The following DCLK3 variants were observed in gnomAD, a reference collection of about 807,000 sequenced individuals.
DCLK3 encodes doublecortin like kinase 3, also known as serine/threonine-protein kinase DCLK3.
DCLK3 carries 30 observed loss-of-function variants against 46.4 expected under a neutral mutation model. The ratio of observed to expected loss-of-function variants is 0.65; its 90% CI spans 0.48 to 0.88. The LOEUF is 0.88. Among genes scored for constraint, DCLK3 ranks in the 40% least tolerant of loss-of-function variants. The pLI is 0.00. For synonymous variants in DCLK3, 401 were observed against 339.2 expected (o/e 1.18, Z -2.00); for missense variants, 846 against 907.1 (o/e 0.93, Z 0.87).
chr3:36,760,489 G>C (rs527836005), intron 1 of DCLK3, among the ~76,000 whole-genome samples: 2 of 147,776 alleles, frequency 1.4e-5, no homozygotes, highest in East Asian at 4.1e-4. Context: ...GGTTGGGGGA[G>C]GGGGGAGGGA....
In DCLK3 at chr3:36,718,118, C is replaced by A; in HGVS notation, c.2152G>T (p.Gly718Cys). 1 of 1,614,212 alleles carries A rather than the reference C, an allele frequency of 6.2e-7. No individual in the cohort carries two copies. Among genetic ancestry groups the A allele is most frequent in the Non-Finnish European group, 8.5e-7 (1 of 1,180,040 alleles). Residue 718 changes from glycine (G) to cysteine (C), a missense_variant, in exon 4 of 5, where the codon GGC becomes TGC. Around this residue, in one of 3 missense-constraint regions of DCLK3, gnomAD observed 247 missense variants for 322.8 expected, o/e 0.77. Transcript: ENST00000636136. The stretch of plus-strand genomic sequence containing the variant: ...TCAGGGCTGCGGAATGGGGGAAAGC[C>A]ACACAGCAGGATATAGAGGATCACG... ...AGVILYILLC[G>C]FPPFRSPERD... is the part of the protein sequence containing the mutation.
chr3:36,718,044 C>A lies in DCLK3; in HGVS notation c.2226G>T (p.Glu742Asp), dbSNP rs1701006951. 6.2e-7 allele frequency: 1 copy of A among 1,614,048 alleles called. No homozygotes were observed. The highest frequency in any genetic ancestry group is 1.1e-5 in the South Asian group (1 of 91,092). Residue 742 changes from glutamate to aspartate, a missense_variant, in exon 4 of 5, where the codon GAG becomes GAT. Physicochemically the swap from Glu to Asp is conservative, Grantham distance 45. Coordinates refer to ENST00000636136, the MANE Select transcript of DCLK3 (RefSeq NM_001394672.2). Reference protein sequence around the residue: ...LFNIIQLGHFEFLPPYWDNIS... With the variant: ...LFNIIQLGHFDFLPPYWDNIS... ...TATTGTCCCAGTAAGGGGGGAGGAA[C>A]TCAAAGTGGCCCAGCTGGATGATGT... is the stretch of plus-strand genomic sequence containing the variant.
chr3:36,756,852 C>T (rs141647570), intron 1 of DCLK3, among the ~76,000 whole-genome samples: 4 of 151,812 alleles, frequency 2.6e-5, no homozygotes, highest in African/African-American at 7.2e-5. Flanking sequence ...CTGGGGGTGA[C>T]AGGTATGCCT....
chr3:36,720,504 C>CT (rs34010996), intron 3 of DCLK3, among the ~76,000 whole-genome samples: 48,921 of 129,170 alleles, frequency 0.38, 10,082 homozygotes, highest in South Asian at 0.52. Context: ...ATCTCCTCAT[C>CT]TTTTTTTTTT....
intron 1 of DCLK3, among the ~76,000 whole-genome samples, chr3:36,761,254 A>T (rs935455329): frequency 2.0e-5 from 3 of 152,174 alleles, no homozygotes; most frequent in African/African-American, 7.2e-5. Context: ...TAATCACTGG[A>T]TGAGTCCATG....
intron 1 of DCLK3, among the ~76,000 whole-genome samples, chr3:36,763,626 C>G (rs1701558053): frequency 6.6e-6 from 1 of 152,208 alleles, no homozygotes. Flanking sequence ...CTCTAGAGAC[C>G]TGGATCCAAC....
chr3:36,753,209 GC>G (rs1172338074), intron 1 of DCLK3, among the ~76,000 whole-genome samples: 1 of 152,186 alleles, frequency 6.6e-6, no homozygotes, highest in East Asian at 1.9e-4. Flanking sequence ...GTTATTCAAG[GC>G]AGCATAGAAA....
chr3:36,718,081 T>A lies in DCLK3; in HGVS notation c.2189A>T (p.Asp730Val). The change falls in exon 4 of 5, where the codon GAC becomes GTC. Residue 730 changes from aspartate (D) to valine (V), a missense_variant. By Grantham distance (152) the Asp-to-Val change is radical. Coordinates refer to ENST00000636136, the MANE Select transcript of DCLK3 (RefSeq NM_001394672.2). Reference protein sequence around the residue: ...PPFRSPERDQDELFNIIQLGH... With the variant: ...PPFRSPERDQVELFNIIQLGH... Reference sequence around the variant, plus strand: ...CAGCTGGATGATGTTAAAGAGCTCGTCCTGGTCCCTCTCAGGGCTGCGGAA... The same window carrying A: ...CAGCTGGATGATGTTAAAGAGCTCGACCTGGTCCCTCTCAGGGCTGCGGAA... 6.2e-7 allele frequency: 1 copy of A among 1,614,102 alleles called. No homozygotes were observed. The highest frequency in any genetic ancestry group is 1.1e-5 in the South Asian group (1 of 91,082).
At chr3:36,743,132 A>G (rs1701363587) in intron 1 of DCLK3, among the ~76,000 whole-genome samples, 1 of 152,128 alleles carries the variant, frequency 6.6e-6, no homozygotes, top group Admixed American at 6.5e-5. Flanking sequence ...AAAAATACAA[A>G]ATCTAAAATG....
chr3:36,747,234 C>G (rs1201528749), intron 1 of DCLK3, among the ~76,000 whole-genome samples: 1 of 151,880 alleles, frequency 6.6e-6, no homozygotes. Flanking sequence ...TGATTGGGGT[C>G]CTGCAAAATA....
At chr3:36,745,333 G>A (rs955375262) in intron 1 of DCLK3, among the ~76,000 whole-genome samples, 3 of 152,020 alleles carry the variant, frequency 2.0e-5, no homozygotes, top group African/African-American at 7.3e-5. Context: ...TTTTCATCTT[G>A]GCTCCTAGAA....
chr3:36,732,464 A>G (rs1481265420), intron 2 of DCLK3, among the ~76,000 whole-genome samples: 1 of 152,206 alleles, frequency 6.6e-6, no homozygotes, highest in Non-Finnish European at 1.5e-5. Context: ...ATGTAAACCT[A>G]CAGTCATAAC....
chr3:36,732,716 AATGCATTC>A (rs1298919762), intron 2 of DCLK3, among the ~76,000 whole-genome samples: 1 of 152,210 alleles, frequency 6.6e-6, no homozygotes, highest in Non-Finnish European at 1.5e-5. Flanking sequence ...TTGGGGTATA[AATGCATTC>A]ATGAATACTT....
intron 4 of DCLK3, among the ~76,000 whole-genome samples, chr3:36,716,114 TGCCCAA>T (rs776607821): frequency 1.4e-4 from 22 of 152,358 alleles, no homozygotes; most frequent in Non-Finnish European, 2.6e-4. Context: ...TTTTATTTTC[TGCCCAA>T]GACCATGACT....
chr3:36,742,335 C>T (rs1701351904), intron 1 of DCLK3, among the ~76,000 whole-genome samples: 1 of 152,180 alleles, frequency 6.6e-6, no homozygotes, highest in South Asian at 2.1e-4. Context: ...TCAGCAGACC[C>T]TACCTCAAAA....
chr3:36,762,038 A>T (rs988237012), intron 1 of DCLK3, among the ~76,000 whole-genome samples: 2 of 152,196 alleles, frequency 1.3e-5, no homozygotes, highest in African/African-American at 4.8e-5. Flanking sequence ...TCCTGGGACA[A>T]CTAAGCAACT....
chr3:36,757,807 G>A (rs552252461), intron 1 of DCLK3, among the ~76,000 whole-genome samples: 8 of 151,846 alleles, frequency 5.3e-5, no homozygotes, highest in Admixed American at 2.6e-4. Context: ...AACCACCCTC[G>A]ACCTCCAAGA....
chr3:36,728,362 G>T (rs73824466), intron 2 of DCLK3, among the ~76,000 whole-genome samples: 2 of 152,110 alleles, frequency 1.3e-5, no homozygotes, highest in Admixed American at 6.5e-5. Context: ...ATCATTGGTG[G>T]GGGGTGGGGG....
intron 3 of DCLK3, among the ~76,000 whole-genome samples, chr3:36,718,747 T>G (rs1173548363): frequency 6.6e-6 from 1 of 152,206 alleles, no homozygotes; most frequent in Non-Finnish European, 1.5e-5. Flanking sequence ...TTAAAAAATA[T>G]CATTTACTGG....
Sources: allele counts gnomAD v4.1 joint callset (sites outside exome capture counted in the v4.1 genomes callset), GRCh38; gene constraint gnomAD v4.1.1; regional missense constraint gnomAD v4.1.1; transcripts MANE v1.5; gene names NCBI Gene and HGNC (gene_info 2026-07-23, HGNC 2026-07-21).